The following MYLK4 variants were observed in gnomAD, a reference collection of about 807,000 sequenced individuals.
MYLK4 encodes myosin light chain kinase family member 4.
Under a neutral mutation model 48.1 loss-of-function variants are expected in MYLK4, and 46 were observed. The observed-to-expected ratio is 0.96, with a 90% CI of 0.75 to 1.22. MYLK4 has a LOEUF of 1.22. MYLK4 is among the 50% of genes most tolerant of loss of function. The probability of loss-of-function intolerance (pLI) is 0.00; values close to 1 mark genes in which losing one functional copy is unlikely to be tolerated. For missense variants in MYLK4, 451 were observed against 486.1 expected (o/e 0.93, Z 0.68); for synonymous variants, 170 against 180.8 (o/e 0.94, Z 0.48).
chr6:2,710,452 G>T (rs1414357455), intron 2 of MYLK4, among the ~76,000 whole-genome samples: 1 of 152,146 alleles, frequency 6.6e-6, no homozygotes, highest in Non-Finnish European at 1.5e-5. Flanking sequence ...CAGTATCAAA[G>T]AACTAAAACT....
At chr6:2,762,594 A>C in the MYLK4 span, among the ~76,000 whole-genome samples, 42,100 of 152,176 alleles carry the variant, frequency 0.28, 5,989 homozygotes, top group Non-Finnish European at 0.3. Context: ...TCAGCCCTAA[A>C]ACTTGTTTTG....
At chr6:2,726,694 C>G (rs1441274738) in intron 2 of MYLK4, among the ~76,000 whole-genome samples, 2 of 150,412 alleles carry the variant, frequency 1.3e-5, no homozygotes, top group Admixed American at 1.3e-4. Context: ...CTCACTGCAA[C>G]CTCTGCCTCC....
At chr6:2,755,768 G>A (rs903243886), upstream of MYLK4, among the ~76,000 whole-genome samples, 1 of 152,078 alleles carries the variant, frequency 6.6e-6, no homozygotes, top group Admixed American at 6.6e-5. Flanking sequence ...AATCCTTCAT[G>A]ACATTGATAT....
chr6:2,743,441 G>GGT (rs1476256458), intron 2 of MYLK4, among the ~76,000 whole-genome samples: 17 of 152,278 alleles, frequency 1.1e-4, no homozygotes, highest in African/African-American at 3.9e-4. Context: ...GAATAGCTAT[G>GGT]GTGTTACATG....
At chr6:2,686,900 C>T (rs1551776) in intron 4 of MYLK4, among the ~76,000 whole-genome samples, 1 of 152,038 alleles carries the variant, frequency 6.6e-6, no homozygotes, top group African/African-American at 2.4e-5. Flanking sequence ...CTAGCAATGG[C>T]CGCAGAACCT....
the MYLK4 span, chr6:2,765,750 AC>A: frequency 6.7e-7 from 1 of 1,497,898 alleles, no homozygotes; most frequent in Non-Finnish European, 8.9e-7. Flanking sequence ...CTGCTGCTCC[AC>A]CCGGCGGGGC....
intron 2 of MYLK4, among the ~76,000 whole-genome samples, chr6:2,709,346 T>C (rs997607353): frequency 6.6e-6 from 1 of 152,258 alleles, no homozygotes; most frequent in African/African-American, 2.4e-5. Flanking sequence ...CTTCCCGTTG[T>C]TTCAGTTTCT....
intron 2 of MYLK4, among the ~76,000 whole-genome samples, chr6:2,739,251 C>G (rs1407352715): frequency 6.6e-6 from 1 of 152,138 alleles, no homozygotes; most frequent in South Asian, 2.1e-4. Context: ...GAGAGCCTGA[C>G]CAGAACCAAC....
intron 8 of MYLK4, among the ~76,000 whole-genome samples, chr6:2,680,006 G>A (rs1034148049): frequency 2.6e-5 from 4 of 152,106 alleles, no homozygotes; most frequent in Admixed American, 1.3e-4. Flanking sequence ...ACTGTATTAG[G>A]TTTTAATTTT....
At chr6:2,765,703 G>T in the MYLK4 span, 7 of 1,546,452 alleles carry the variant, frequency 4.5e-6, no homozygotes, top group East Asian at 7.9e-5. Context: ...AGCAGATGAT[G>T]CCCGCCGCGC....
At chr6:2,723,849 T>C (rs1215369144) in intron 2 of MYLK4, among the ~76,000 whole-genome samples, 1 of 152,160 alleles carries the variant, frequency 6.6e-6, no homozygotes, top group Non-Finnish European at 1.5e-5. Context: ...CACAACGGCT[T>C]TGGTGATTGA....
intron 1 of MYLK4, among the ~76,000 whole-genome samples, chr6:2,750,304 T>C (rs754537969): frequency 3.3e-5 from 5 of 152,230 alleles, no homozygotes; most frequent in Non-Finnish European, 7.3e-5. Context: ...ACTCTTGAGT[T>C]CCAAAGTGTT....
chr6:2,736,939 A>G (rs942078051), intron 2 of MYLK4, among the ~76,000 whole-genome samples: 17 of 152,256 alleles, frequency 1.1e-4, no homozygotes, highest in African/African-American at 3.4e-4. Context: ...GTAGCCATCC[A>G]TCACCTGGCT....
chr6:2,673,377 C>T lies in MYLK4; in HGVS notation c.1119+1670G>A, dbSNP rs111376243. ...TTCAGACACAAATAAAACTTAGTGC[C>T]GATGCTGAATTTAGAAGTAAAGTTA... On this transcript the variant is annotated intron_variant, in intron 11 of 12. Transcript: ENST00000274643. This position sits in a 1 kb window ranked among gnomAD's most constrained non-coding sequence, Gnocchi z 4.2. 3.0e-4 allele frequency among the ~76,000 whole-genome samples: 45 copies of T among 152,186 alleles called. 1 individual carries two copies. Among genetic ancestry groups the T allele is most frequent in the African/African-American group, 9.9e-4 (41 of 41,514 alleles).
chr6:2,680,123 C>A (rs1761234312), intron 8 of MYLK4, 98 bp downstream of exon 8: 10 of 1,324,410 alleles, frequency 7.6e-6, no homozygotes, highest in South Asian at 4.8e-5. Context: ...TAAATGAGAT[C>A]ATGAAACCAA....
chr6:2,758,644 T>C, the MYLK4 span, among the ~76,000 whole-genome samples: 1 of 152,188 alleles, frequency 6.6e-6, no homozygotes, highest in Non-Finnish European at 1.5e-5. Flanking sequence ...ATTTCCTTGA[T>C]TTTCCTTGCA....
chr6:2,724,024 G>A (rs1328314113), intron 2 of MYLK4, among the ~76,000 whole-genome samples: 4 of 151,958 alleles, frequency 2.6e-5, no homozygotes, highest in African/African-American at 4.8e-5. Flanking sequence ...TTACAGGTGC[G>A]TGCCACTACC....
chr6:2,694,192 CAG>C (rs1247338727), intron 2 of MYLK4, among the ~76,000 whole-genome samples: 5 of 152,078 alleles, frequency 3.3e-5, no homozygotes, highest in African/African-American at 1.2e-4. Context: ...GTGAGAGCTT[CAG>C]AGTTTCTCTT....
At chr6:2,762,205 ATC>A in the MYLK4 span, among the ~76,000 whole-genome samples, 1 of 151,610 alleles carries the variant, frequency 6.6e-6, no homozygotes, top group African/African-American at 2.4e-5. Context: ...TATTAATTCT[ATC>A]TCTCTTAATT....
Sources: gnomAD v4.1 joint callset for allele counts (sites outside exome capture counted in the v4.1 genomes callset) on GRCh38, gnomAD v4.1.1 for gene constraint, Gnocchi (gnomAD v3.1) non-coding constraint, MANE v1.5 for transcripts, NCBI Gene and HGNC (gene_info 2026-07-23, HGNC 2026-07-21) for gene names.